BCR: variants seen among roughly 807,000 people sequenced by gnomAD.
BCR encodes BCR activator of RhoGEF and GTPase.
BCR carries 58 observed loss-of-function variants against 138.6 expected under a neutral mutation model. The ratio of observed to expected loss-of-function variants is 0.42; its 90% CI spans 0.34 to 0.52. The LOEUF (loss-of-function observed/expected upper bound fraction) is 0.52, where lower values mean the gene tolerates loss of function less well. Ranked by LOEUF, BCR falls within the 20% of genes least tolerant of loss-of-function variation. The pLI is 0.06. For missense variants in BCR, 1,599 were observed against 1,727.2 expected (o/e 0.93, Z 1.32); for synonymous variants, 786 against 730.1 (o/e 1.08, Z -1.23).
intron 2 of BCR, among the ~76,000 whole-genome samples, chr22:23,254,313 G>T (rs1220558818): frequency 6.6e-6 from 1 of 152,088 alleles, no homozygotes; most frequent in Non-Finnish European, 1.5e-5. Context: ...GTCTGGGCTT[G>T]GGTCCCTTTG....
intron 1 of BCR, among the ~76,000 whole-genome samples, chr22:23,185,770 C>G (rs2072334503): frequency 6.7e-6 from 1 of 149,948 alleles, no homozygotes; most frequent in East Asian, 2.0e-4. Flanking sequence ...GCTCTGTCGC[C>G]CAGGCTGGAG....
chr22:23,263,374 G>A (rs1191244560), intron 4 of BCR: 18 of 1,238,936 alleles, frequency 1.5e-5, no homozygotes, highest in South Asian at 1.3e-4. Flanking sequence ...GGCTTCACGC[G>A]GCTCGGCACC....
At chr22:23,222,232 C>T (rs1438919058) in intron 1 of BCR, among the ~76,000 whole-genome samples, 1 of 152,190 alleles carries the variant, frequency 6.6e-6, no homozygotes, top group Non-Finnish European at 1.5e-5. Flanking sequence ...AAAACAATGC[C>T]AGCACGTAGT....
chr22:23,273,233 C>G, intron 7 of BCR, 100 bp downstream of exon 7: 1 of 1,336,836 alleles, frequency 7.5e-7, no homozygotes, highest in Non-Finnish European at 1.0e-6. Context: ...ATAGCTGCAG[C>G]CAAGGGGGTG....
At chr22:23,194,924 G>A (rs751118329) in intron 1 of BCR, among the ~76,000 whole-genome samples, 4 of 152,056 alleles carry the variant, frequency 2.6e-5, no homozygotes, top group Non-Finnish European at 5.9e-5. Context: ...CAGCCTGGGC[G>A]ACAGAGCAAG....
rs56365112 is a variant in BCR at position 23,314,603 on chromosome 22, G to T, written c.3615G>T (p.Thr1205=). Residue 1205 remains threonine, a synonymous_variant, in exon 22 of 23, where the codon ACG becomes ACT. Transcript: ENST00000305877. ...AGATGTCCCTGCACAACCTCGCCACGGTCTTTGGCCCCACGCTGCTCCGGC... is the reference window on the plus strand; with the variant it reads ...AGATGTCCCTGCACAACCTCGCCACTGTCTTTGGCCCCACGCTGCTCCGGC... ...VNKMSLHNLA[T]VFGPTLLRPS... The T allele has an allele frequency of 3.7e-5, 60 of 1,609,462 alleles. No individual in the cohort carries two copies. The highest frequency in any genetic ancestry group is 4.5e-4 in the Middle Eastern group (2 of 4,442).
intron 2 of BCR, among the ~76,000 whole-genome samples, chr22:23,260,681 C>T (rs1054639676): frequency 8.5e-5 from 13 of 152,214 alleles, no homozygotes; most frequent in African/African-American, 2.9e-4. Context: ...CAGCCTGCTC[C>T]GCACCAAACT....
chr22:23,290,567 T>G (rs1336297820), intron 14 of BCR, 154 bp downstream of exon 14: 1 of 764,184 alleles, frequency 1.3e-6, no homozygotes, highest in Non-Finnish European at 2.3e-6. Context: ...TTGTGCTGGT[T>G]GATGCCTTCT....
intron 1 of BCR, among the ~76,000 whole-genome samples, chr22:23,242,227 G>T (rs531044780): frequency 5.3e-4 from 81 of 152,300 alleles, no homozygotes; most frequent in Non-Finnish European, 9.7e-4. Flanking sequence ...CTGGCTAGGG[G>T]CAGTAAATTC....
intron 16 of BCR, among the ~76,000 whole-genome samples, chr22:23,297,809 C>T (rs2073862999): frequency 6.7e-6 from 1 of 150,274 alleles, no homozygotes; most frequent in South Asian, 2.1e-4. Context: ...TGCTAAGTAA[C>T]TGGGGGTCTC....
At position 23,181,034 on chromosome 22, in the gene BCR, T is replaced by C; in HGVS notation, c.74T>C (p.Leu25Pro). The change falls in exon 1 of 23, where the codon CTG (leucine) becomes CCG (proline). Residue 25 changes from leucine (L) to proline (P), a missense_variant. Transcript: ENST00000305877. ...GACTCAGAGCCCCCGCGCATGGAGC[T>C]GCGCTCAGTGGGCGACATCGAGCAG... ...FPDSEPPRME[L>P]RSVGDIEQEL... The C allele has an allele frequency of 6.6e-7, 1 of 1,518,490 alleles. No homozygotes were observed. The highest frequency in any genetic ancestry group is 1.2e-5 in the South Asian group (1 of 81,264). 94.1% of individuals were successfully genotyped at this position (1,518,490 alleles called of 1,614,324 possible). A position where few individuals can be genotyped will look rare whatever the true frequency, so the allele number is the denominator to read the frequency against.
intron 2 of BCR, 52 bp from the exon 3 acceptor site, chr22:23,260,898 A>G: frequency 6.4e-7 from 1 of 1,556,928 alleles, no homozygotes; most frequent in Non-Finnish European, 8.9e-7. Flanking sequence ...GCCCTGATGG[A>G]AGAATCCCCC....
In BCR at chr22:23,292,483, C is replaced by A. The variant is rs528505186; in HGVS notation, c.2783-58C>A. 14 of 1,221,548 alleles carry A rather than the reference C, an allele frequency of 1.1e-5. No homozygotes were observed. In the East Asian group the frequency reaches 2.3e-4, roughly 20 times the overall value. 75.7% of individuals were successfully genotyped at this position (1,221,548 alleles called of 1,614,324 possible). On this transcript the variant is annotated intron_variant, in intron 14 of 22. Coordinates refer to ENST00000305877, the MANE Select transcript of BCR (RefSeq NM_004327.4). ...TGCAAATAACACCTGCTCTTACAGA[C>A]CATGTGGGTGATGTGGAAAAGACCT...
intron 1 of BCR, among the ~76,000 whole-genome samples, chr22:23,185,447 CA>C (rs1347001578): frequency 6.6e-6 from 1 of 152,102 alleles, no homozygotes; most frequent in Admixed American, 6.5e-5. Flanking sequence ...GGGTGGATCA[CA>C]AGGGCAGGAG....
intron 1 of BCR, among the ~76,000 whole-genome samples, chr22:23,188,730 C>G (rs1361156555): frequency 2.0e-5 from 3 of 151,474 alleles, no homozygotes; most frequent in Non-Finnish European, 4.4e-5. Context: ...ATATCTTGAC[C>G]CTGACTGGAA....
rs1371283357 is a variant in BCR, at chr22:23,182,253, G to A, written c.1279+14G>A. The A allele has an allele frequency of 6.5e-7, 1 of 1,541,044 alleles. No individual in the cohort carries two copies. Among genetic ancestry groups the A allele is most frequent in the African/African-American group, 1.4e-5 (1 of 73,788 alleles). ...ATGGAGACGCAGGTGAGTTCCTCAC[G>A]CCACGTGCGTGGGCACACCTGCACG... On this transcript the variant is annotated intron_variant, in intron 1 of 22. Coordinates refer to ENST00000305877, the MANE Select transcript of BCR (RefSeq NM_004327.4).
chr22:23,272,947 A>T, intron 6 of BCR, 134 bp from the exon 7 acceptor site: 1 of 900,360 alleles, frequency 1.1e-6, no homozygotes, highest in Non-Finnish European at 1.8e-6. Flanking sequence ...TGCCCTTGTC[A>T]CTGCGCAGAG....
intron 8 of BCR, 47 bp downstream of exon 8, chr22:23,273,821 G>A: frequency 1.9e-6 from 3 of 1,609,244 alleles, no homozygotes; most frequent in Non-Finnish European, 2.6e-6. Flanking sequence ...CTGCTGAGCT[G>A]GGGGCATGCA....
intron 1 of BCR, among the ~76,000 whole-genome samples, chr22:23,229,706 TC>T (rs1172189951): frequency 6.6e-6 from 1 of 152,216 alleles, no homozygotes; most frequent in Non-Finnish European, 1.5e-5. Context: ...ATTTAAAGGA[TC>T]CCTTCTCCAG....
Sources: gnomAD v4.1 joint callset for allele counts (sites outside exome capture counted in the v4.1 genomes callset) on GRCh38, gnomAD v4.1.1 for gene constraint, MANE v1.5 for transcripts, NCBI Gene and HGNC (gene_info 2026-07-23, HGNC 2026-07-21) for gene names.